The following RPS6KA2 variants were observed in gnomAD, a reference collection of about 807,000 sequenced individuals.
RPS6KA2 encodes ribosomal protein S6 kinase alpha-2.
In RPS6KA2, 42 loss-of-function variants were observed where a neutral mutation model predicts 91.8. The ratio of observed to expected loss-of-function variants is 0.46; its 90% CI spans 0.36 to 0.59. The LOEUF is 0.59. RPS6KA2 is among the 20% of genes least tolerant of loss of function. RPS6KA2 has a pLI of 0.00. For missense variants in RPS6KA2, 798 were observed against 978.5 expected, an observed-to-expected ratio of 0.82 and a Z score of 2.46; for synonymous variants, 414 against 393.6, an observed-to-expected ratio of 1.05 and a Z score of -0.61.
chr6:166,746,522 C>T (rs893759067), intron 2 of RPS6KA2, among the ~76,000 whole-genome samples: 1 of 152,234 alleles, frequency 6.6e-6, no homozygotes, highest in Non-Finnish European at 1.5e-5. Flanking sequence ...CAGACACCAG[C>T]AAGATGTCCT....
chr6:166,496,488 C>A (rs566941290), intron 8 of RPS6KA2, among the ~76,000 whole-genome samples: 1 of 152,020 alleles, frequency 6.6e-6, no homozygotes, highest in African/African-American at 2.4e-5. Flanking sequence ...CTCCCCCTGT[C>A]CCCCCAGAAA....
At position 166,737,064 on chromosome 6, in the gene RPS6KA2, C is replaced by A. The variant is rs894176567; in HGVS notation, c.123+121136G>T. On this transcript the variant is annotated intron_variant, in intron 2 of 21. Transcript: ENST00000503859. The surrounding 1 kb of genome is among the most constrained non-coding windows in gnomAD (Gnocchi z 4.3). ...AGCGGCAAAGCGCATGGAGCCTACG[C>A]TTTTTTACAGACGCAAAAAGATAGA... Among the ~76,000 whole-genome samples the A allele has an allele frequency of 8.5e-5, 13 of 152,140 alleles. No individual in the cohort carries two copies. Among genetic ancestry groups the A allele is most frequent in the African/African-American group, 3.1e-4 (13 of 41,430 alleles).
intron 2 of RPS6KA2, among the ~76,000 whole-genome samples, chr6:166,711,805 AGAG>A (rs1197699363): frequency 7.2e-5 from 11 of 152,130 alleles, no homozygotes; most frequent in Admixed American, 5.2e-4. Context: ...AGAGAGAGAC[AGAG>A]GAGAAATCCA....
Position 166,665,184 on chromosome 6 carries a change from CACAG to C in RPS6KA2, c.124-126404_124-126401del, listed in dbSNP as rs112341949. Among the ~76,000 whole-genome samples the C allele has an allele frequency of 0.018, 2,684 of 152,236 alleles. 41 individuals are homozygous for C. Among genetic ancestry groups the C allele is most frequent in the South Asian group, 0.069 (333 of 4,820 alleles). On this transcript the variant is annotated intron_variant, in intron 2 of 21. Transcript: ENST00000503859. The surrounding 1 kb of genome is among the most constrained non-coding windows in gnomAD (Gnocchi z 4.5). ...CATACAGAACAACATCTGCAGGGCTCACAGACAGAGGAATGCCCCCCAAGATACT... is the reference window on the plus strand; with the variant it reads ...CATACAGAACAACATCTGCAGGGCTCACAGAGGAATGCCCCCCAAGATACT...
At chr6:166,817,163 C>G (rs1160985547) in intron 2 of RPS6KA2, among the ~76,000 whole-genome samples, 1 of 151,408 alleles carries the variant, frequency 6.6e-6, no homozygotes, top group Non-Finnish European at 1.5e-5. Flanking sequence ...GAAATCAGAC[C>G]TGAAGGCCAA....
intron 14 of RPS6KA2, among the ~76,000 whole-genome samples, chr6:166,436,927 G>T (rs1020106724): frequency 6.6e-6 from 1 of 152,180 alleles, no homozygotes; most frequent in Non-Finnish European, 1.5e-5. Context: ...TCAAGCCAAG[G>T]CTCTGAGATG....
intron 6 of RPS6KA2, among the ~76,000 whole-genome samples, chr6:166,502,739 G>A (rs1292807239): frequency 6.6e-6 from 1 of 152,222 alleles, no homozygotes; most frequent in Non-Finnish European, 1.5e-5. Flanking sequence ...AGAGGCGAAA[G>A]GGGACTCCCA....
At position 166,459,568 on chromosome 6, in the gene RPS6KA2, A is replaced by G. The variant is rs1032856145; in HGVS notation, c.973-17T>C. Reference sequence around the variant, plus strand: ...GTACAGCGTCTATTAATACAAGGAAAGCAAGACAGGGCACTGAGGATGCAC... The same window carrying G: ...GTACAGCGTCTATTAATACAAGGAAGGCAAGACAGGGCACTGAGGATGCAC... On this transcript the variant is annotated splice_polypyrimidine_tract_variant and intron_variant, in intron 11 of 20. Coordinates refer to ENST00000265678, the MANE Select transcript of RPS6KA2 (RefSeq NM_021135.6). This position sits in a 1 kb window ranked among gnomAD's most constrained non-coding sequence, Gnocchi z 4.9. 7 of 1,588,072 alleles carry G rather than the reference A, an allele frequency of 4.4e-6. No homozygotes were observed. The highest frequency in any genetic ancestry group is 5.2e-6 in the Non-Finnish European group (6 of 1,156,994).
At position 166,752,877 on chromosome 6, in the gene RPS6KA2, C is replaced by T. The variant is rs572338268; in HGVS notation, c.123+105323G>A. 1.1e-4 allele frequency among the ~76,000 whole-genome samples: 16 copies of T among 152,000 alleles called. No individual in the cohort carries two copies. In the East Asian group the frequency reaches 3.1e-3, roughly 29 times the overall value. ...GTAATGGTGGCCCACTCCCTAACCA[C>T]TGTGTTAAGCCTTGTATACTCTGCT... On this transcript the variant is annotated intron_variant, in intron 2 of 21. Transcript: ENST00000503859.
At chr6:166,661,917 G>A (rs1409760466) in intron 2 of RPS6KA2, among the ~76,000 whole-genome samples, 1 of 152,146 alleles carries the variant, frequency 6.6e-6, no homozygotes, top group African/African-American at 2.4e-5. Context: ...TTTCCCACAT[G>A]TTGTATTGAA....
chr6:166,850,062 T>C (rs746138413), intron 2 of RPS6KA2, among the ~76,000 whole-genome samples: 4 of 152,150 alleles, frequency 2.6e-5, no homozygotes, highest in Non-Finnish European at 5.9e-5. Context: ...TCAACGTGCA[T>C]TTGGCAAGTG....
chr6:166,790,209 G>A (rs1479817441), intron 2 of RPS6KA2, among the ~76,000 whole-genome samples: 1 of 152,198 alleles, frequency 6.6e-6, no homozygotes, highest in Non-Finnish European at 1.5e-5. Context: ...AGAATTACGT[G>A]AAGAATGCAG....
intron 2 of RPS6KA2, among the ~76,000 whole-genome samples, chr6:166,801,909 T>A (rs1394588394): frequency 1.3e-5 from 2 of 152,058 alleles, no homozygotes; most frequent in African/African-American, 4.8e-5. Flanking sequence ...TAACAGTGTT[T>A]AAGATAATGT....
chr6:166,651,427 GT>G (rs910956105), intron 2 of RPS6KA2, among the ~76,000 whole-genome samples: 15 of 152,160 alleles, frequency 9.9e-5, no homozygotes, highest in Non-Finnish European at 1.9e-4. Flanking sequence ...CAGTTGATTG[GT>G]TTTCTATGTA....
In RPS6KA2 at chr6:166,665,501, T is replaced by C. The variant is rs917459743; in HGVS notation, c.124-126717A>G. On this transcript the variant is annotated intron_variant, in intron 2 of 21. Transcript: ENST00000503859. This position sits in a 1 kb window ranked among gnomAD's most constrained non-coding sequence, Gnocchi z 4.5. ...CCTCCCCTCTGAGAAGACCCCCATG[T>C]GACTTCCCCACCTTTGTGGCGCATG... Among the ~76,000 whole-genome samples the C allele has an allele frequency of 3.3e-5, 5 of 151,916 alleles. No homozygotes were observed. Among genetic ancestry groups the C allele is most frequent in the African/African-American group, 9.7e-5 (4 of 41,356 alleles).
At chr6:166,580,889 G>A (rs1784987863) in intron 1 of RPS6KA2, among the ~76,000 whole-genome samples, 1 of 152,134 alleles carries the variant, frequency 6.6e-6, no homozygotes, top group Admixed American at 6.5e-5. Context: ...AAGGGCTGAG[G>A]AATTTTTCTT....
intron 6 of RPS6KA2, among the ~76,000 whole-genome samples, chr6:166,503,436 G>A (rs368740320): frequency 2.0e-5 from 3 of 152,352 alleles, no homozygotes; most frequent in Non-Finnish European, 4.4e-5. Flanking sequence ...TTCCATGCAG[G>A]TGACAGGGCA....
intron 2 of RPS6KA2, among the ~76,000 whole-genome samples, chr6:166,853,465 G>A (rs1440990709): frequency 6.6e-6 from 1 of 152,210 alleles, no homozygotes. Context: ...CTGTGCCGTG[G>A]AAGTGGACAG....
chr6:166,591,296 G>A (rs909090719), intron 1 of RPS6KA2, among the ~76,000 whole-genome samples: 5 of 152,214 alleles, frequency 3.3e-5, no homozygotes, highest in South Asian at 4.1e-4. Flanking sequence ...CTTCTGGGAT[G>A]AGCAGAATGC....
Sources: gnomAD v4.1 joint callset for allele counts (sites outside exome capture counted in the v4.1 genomes callset) on GRCh38, gnomAD v4.1.1 for gene constraint, Gnocchi (gnomAD v3.1) non-coding constraint, MANE v1.5 for transcripts, NCBI Gene and HGNC (gene_info 2026-07-23, HGNC 2026-07-21) for gene names.